Variants in PTPRD observed in about 807,000 individuals in gnomAD.
PTPRD encodes the protein receptor-type tyrosine-protein phosphatase delta.
PTPRD carries 34 observed loss-of-function variants against 214.5 expected under a neutral mutation model. That is an observed-to-expected ratio of 0.16 (90% CI 0.12 to 0.21). PTPRD has a LOEUF of 0.21. Among genes scored for constraint, PTPRD ranks in the 10% least tolerant of loss-of-function variants. PTPRD has a pLI of 1.00. For missense variants in PTPRD, 2,545 were observed against 2,398.7 expected (o/e 1.06, Z -1.27); for synonymous variants, 1,128 against 845.7 (o/e 1.33, Z -5.79).
At chr9:9,268,034 CA>C (rs1013861391) in intron 9 of PTPRD, among the ~76,000 whole-genome samples, 39 of 150,680 alleles carry the variant, frequency 2.6e-4, no homozygotes, top group African/African-American at 9.2e-4. Flanking sequence ...CCTGAGAAAT[CA>C]GGCAAGAAAA....
intron 5 of PTPRD, among the ~76,000 whole-genome samples, chr9:9,928,359 T>A (rs571362589): frequency 6.6e-6 from 1 of 152,278 alleles, no homozygotes; most frequent in African/African-American, 2.4e-5. Flanking sequence ...GTTGCCAAGC[T>A]CATTATCTTG....
intron 6 of PTPRD, among the ~76,000 whole-genome samples, chr9:9,762,417 T>G (rs2098666481): frequency 6.6e-6 from 1 of 152,174 alleles, no homozygotes; most frequent in Non-Finnish European, 1.5e-5. Context: ...AGACTGAAAA[T>G]TTTCCAAATC....
At chr9:9,089,621 A>C (rs1260919121) in intron 10 of PTPRD, among the ~76,000 whole-genome samples, 1 of 152,118 alleles carries the variant, frequency 6.6e-6, no homozygotes, top group Non-Finnish European at 1.5e-5. Context: ...ACTTTCCTCT[A>C]TTTCTTCTAA....
intron 2 of PTPRD, among the ~76,000 whole-genome samples, chr9:10,510,053 T>C (rs909239845): frequency 2.6e-5 from 4 of 152,124 alleles, no homozygotes; most frequent in African/African-American, 9.7e-5. Flanking sequence ...AGTATACATA[T>C]AAATTAATTT....
chr9:8,976,888 G>C (rs2154337326), intron 11 of PTPRD, among the ~76,000 whole-genome samples: 1 of 152,154 alleles, frequency 6.6e-6, no homozygotes, highest in South Asian at 2.1e-4. Flanking sequence ...CTACGAGGAT[G>C]ATGTTCCTAT....
intron 3 of PTPRD, among the ~76,000 whole-genome samples, chr9:10,047,312 C>CGTGTGTGTGTGTGTGTGTGTGTGTGTG (rs1316571345): frequency 7.2e-6 from 1 of 138,718 alleles, no homozygotes; most frequent in African/African-American, 2.7e-5. Context: ...AATCAACTAA[C>CGTGTGTGTGTGTGTGTGTGTGTGTGTG]TGTGTGTGTG....
At chr9:9,028,521 G>T (rs2099594578) in intron 10 of PTPRD, among the ~76,000 whole-genome samples, 2 of 151,908 alleles carry the variant, frequency 1.3e-5, no homozygotes, top group South Asian at 4.2e-4. Flanking sequence ...GTACAGTGTG[G>T]TATCATAGTA....
At chr9:9,357,481 G>T (rs2054243189) in intron 9 of PTPRD, among the ~76,000 whole-genome samples, 1 of 151,184 alleles carries the variant, frequency 6.6e-6, no homozygotes, top group Non-Finnish European at 1.5e-5. Flanking sequence ...TGAGAACTTT[G>T]AATGGCGTTA....
At chr9:8,960,416 A>G (rs563792601) in intron 11 of PTPRD, among the ~76,000 whole-genome samples, 1 of 152,202 alleles carries the variant, frequency 6.6e-6, no homozygotes, top group African/African-American at 2.4e-5. Context: ...AGTAACAGGG[A>G]CGTGTACTAG....
chr9:9,146,501 A>T (rs983119418), intron 10 of PTPRD, among the ~76,000 whole-genome samples: 1 of 152,108 alleles, frequency 6.6e-6, no homozygotes, highest in African/African-American at 2.4e-5. Flanking sequence ...CACCAGTGTA[A>T]TAGGATTTTG....
At chr9:8,705,000 CA>C (rs2098173885) in intron 12 of PTPRD, among the ~76,000 whole-genome samples, 1 of 152,016 alleles carries the variant, frequency 6.6e-6, no homozygotes, top group African/African-American at 2.4e-5. Flanking sequence ...CTATTGTCCA[CA>C]AGTCATAACT....
At chr9:9,411,353 A>G (rs2075375574) in intron 8 of PTPRD, among the ~76,000 whole-genome samples, 1 of 151,700 alleles carries the variant, frequency 6.6e-6, no homozygotes, top group Non-Finnish European at 1.5e-5. Context: ...ACCCAAATAT[A>G]AAATAAATCC....
intron 2 of PTPRD, among the ~76,000 whole-genome samples, chr9:10,417,335 T>C (rs1165605739): frequency 6.6e-6 from 1 of 151,916 alleles, no homozygotes. Flanking sequence ...TAAGAATGCC[T>C]TGTAAACTTT....
chr9:9,848,643 A>G (rs2059983536), intron 5 of PTPRD, among the ~76,000 whole-genome samples: 1 of 152,122 alleles, frequency 6.6e-6, no homozygotes, highest in Non-Finnish European at 1.5e-5. Flanking sequence ...TTTTCTATGT[A>G]TTCAGTAACA....
chr9:9,379,470 T>G (rs1038745891), intron 9 of PTPRD, among the ~76,000 whole-genome samples: 33 of 151,920 alleles, frequency 2.2e-4, no homozygotes, highest in African/African-American at 8.0e-4. Flanking sequence ...TCAGGTAATA[T>G]CAGTCCTCCA....
At chr9:8,318,221 T>C (rs1044827535) in intron 45 of PTPRD, among the ~76,000 whole-genome samples, 2 of 151,964 alleles carry the variant, frequency 1.3e-5, no homozygotes, top group Non-Finnish European at 2.9e-5. Context: ...ACAAGTGTTT[T>C]CCAAGTAGTA....
intron 7 of PTPRD, among the ~76,000 whole-genome samples, chr9:9,671,849 C>T (rs147183339): frequency 6.6e-6 from 1 of 152,228 alleles, no homozygotes; most frequent in Admixed American, 6.5e-5. Flanking sequence ...TCAGGTATGT[C>T]TTTATCAGCA....
chr9:10,068,019 T>C (rs2097915612), intron 3 of PTPRD, among the ~76,000 whole-genome samples: 2 of 151,962 alleles, frequency 1.3e-5, no homozygotes, highest in Non-Finnish European at 2.9e-5. Flanking sequence ...CTTTTCCTTC[T>C]ATATTTCTGA....
intron 5 of PTPRD, among the ~76,000 whole-genome samples, chr9:9,785,814 G>A (rs1446424122): frequency 6.6e-6 from 1 of 151,954 alleles, no homozygotes; most frequent in African/African-American, 2.4e-5. Context: ...TTAACATTAG[G>A]GGAAGCTGGA....
Sources: gnomAD v4.1 joint callset for allele counts (sites outside exome capture counted in the v4.1 genomes callset) on GRCh38, gnomAD v4.1.1 for gene constraint, MANE v1.5 for transcripts, NCBI Gene and HGNC (gene_info 2026-07-23, HGNC 2026-07-21) for gene names.